The following CDH9 variants were observed in gnomAD, a reference collection of about 807,000 sequenced individuals.
CDH9 encodes cadherin 9.
CDH9 carries 28 observed loss-of-function variants against 70.9 expected under a neutral mutation model. That is an observed-to-expected ratio of 0.40 (90% CI 0.29 to 0.54). CDH9 has a LOEUF of 0.54. Ranked by LOEUF, CDH9 falls within the 20% of genes least tolerant of loss-of-function variation. The probability of loss-of-function intolerance (pLI) is 0.59; values close to 1 mark genes in which losing one functional copy is unlikely to be tolerated. For missense variants in CDH9, 874 were observed against 984.4 expected (o/e 0.89, Z 1.50); for synonymous variants, 409 against 343.1 (o/e 1.19, Z -2.12).
chr5:27,031,144 A>G (rs576619265), intron 1 of CDH9, among the ~76,000 whole-genome samples: 20 of 151,922 alleles, frequency 1.3e-4, no homozygotes, highest in African/African-American at 4.8e-4. Context: ...TAACTAAAAC[A>G]TTACATAATT....
intron 2 of CDH9, among the ~76,000 whole-genome samples, chr5:26,923,089 C>CA (rs76197543): frequency 4.0e-3 from 450 of 112,660 alleles, no homozygotes; most frequent in Non-Finnish European, 6.7e-3. Flanking sequence ...AAAAAAAACA[C>CA]AAAAAAAAAA....
At chr5:27,016,554 C>A (rs565036010) in intron 1 of CDH9, among the ~76,000 whole-genome samples, 1 of 151,840 alleles carries the variant, frequency 6.6e-6, no homozygotes, top group Non-Finnish European at 1.5e-5. Context: ...TATTGCATTT[C>A]AGAATCTGAG....
intron 1 of CDH9, among the ~76,000 whole-genome samples, chr5:27,009,933 G>C (rs1379385907): frequency 6.6e-6 from 1 of 151,988 alleles, no homozygotes; most frequent in African/African-American, 2.4e-5. Context: ...TGGCCTTATT[G>C]AGCTTTGTTA....
chr5:26,890,409 A>G lies in CDH9; in HGVS notation c.1390+19T>C. On this transcript the variant is annotated intron_variant, in intron 8 of 11. Transcript: ENST00000231021. Reference sequence around the variant, plus strand: ...TTGATGAAAGACAGTGTCTTCGGGTAGATGTAGCTCCAACTTACTTATTTC... The same window carrying G: ...TTGATGAAAGACAGTGTCTTCGGGTGGATGTAGCTCCAACTTACTTATTTC... 1 of 1,608,958 alleles carries G rather than the reference A, an allele frequency of 6.2e-7. No homozygotes were observed. The highest frequency in any genetic ancestry group is 8.5e-7 in the Non-Finnish European group (1 of 1,175,406).
rs201686479 is a variant in CDH9 at position 26,957,228 on chromosome 5, CTA to C, written c.228+30876_228+30877del. ...CTAAAATACTAAAGGAAATAAAAGA[CTA>C]TGAATTTTTTAATCACATTTGTTGT... On this transcript the variant is annotated intron_variant, in intron 2 of 11. Coordinates refer to ENST00000231021, the MANE Select transcript of CDH9 (RefSeq NM_016279.4). 3.1e-3 allele frequency among the ~76,000 whole-genome samples: 473 copies of C among 152,058 alleles called. 1 individual carries two copies. The highest frequency in any genetic ancestry group is 4.6e-3 in the East Asian group (24 of 5,174).
At chr5:26,916,462 C>T (rs1741151485) in intron 2 of CDH9, among the ~76,000 whole-genome samples, 2 of 151,748 alleles carry the variant, frequency 1.3e-5, no homozygotes. Context: ...TGGAGTGTAC[C>T]GAAACCTGTA....
At chr5:26,901,672 A>G (rs16896357) in intron 7 of CDH9, among the ~76,000 whole-genome samples, 2,118 of 151,922 alleles carry the variant, frequency 0.014, 21 homozygotes, top group African/African-American at 0.029. Flanking sequence ...TCAGCTGTCT[A>G]TATGTTCCTC....
chr5:27,020,385 A>G (rs543876877), intron 1 of CDH9, among the ~76,000 whole-genome samples: 3 of 151,754 alleles, frequency 2.0e-5, no homozygotes, highest in Admixed American at 6.6e-5. Context: ...CATGAATTTT[A>G]TATTTACACA....
chr5:26,882,969 A>G (rs1740491600), intron 11 of CDH9, among the ~76,000 whole-genome samples: 2 of 147,914 alleles, frequency 1.4e-5, no homozygotes, highest in South Asian at 4.3e-4. Context: ...ATTTTATGAA[A>G]GATAATTAGA....
chr5:26,906,699 G>C lies in CDH9; in HGVS notation c.643+20C>G, dbSNP rs751419861. On this transcript the variant is annotated intron_variant, in intron 4 of 11. Coordinates refer to ENST00000231021, the MANE Select transcript of CDH9 (RefSeq NM_016279.4). Reference sequence around the variant, plus strand: ...TAATGTATTATACAATAAGAAGTCAGCCAAGTTTAAATGTTGTACCTGATT... The same window carrying C: ...TAATGTATTATACAATAAGAAGTCACCCAAGTTTAAATGTTGTACCTGATT... 6.2e-7 allele frequency: 1 copy of C among 1,611,196 alleles called. No individual in the cohort carries two copies. The highest frequency in any genetic ancestry group is 1.3e-5 in the African/African-American group (1 of 74,868).
intron 1 of CDH9, among the ~76,000 whole-genome samples, chr5:27,013,140 C>A (rs1159225636): frequency 6.6e-6 from 1 of 151,846 alleles, no homozygotes; most frequent in Non-Finnish European, 1.5e-5. Flanking sequence ...AACCTAAACC[C>A]AACTCAATGT....
intron 1 of CDH9, among the ~76,000 whole-genome samples, chr5:27,005,058 G>T (rs1468870820): frequency 2.0e-5 from 3 of 152,084 alleles, no homozygotes; most frequent in Non-Finnish European, 4.4e-5. Context: ...CACAGACATG[G>T]ACAGCATTCA....
chr5:26,910,265 G>A (rs890315510), intron 3 of CDH9, among the ~76,000 whole-genome samples: 3 of 90,750 alleles, frequency 3.3e-5, no homozygotes, highest in South Asian at 3.3e-4. Flanking sequence ...CTATCTATCT[G>A]GCATTAATTA....
intron 1 of CDH9, among the ~76,000 whole-genome samples, chr5:27,014,668 TATAG>T (rs1488505746): frequency 6.6e-6 from 1 of 151,846 alleles, no homozygotes; most frequent in East Asian, 1.9e-4. Flanking sequence ...CATATATAAA[TATAG>T]ATATAGATTT....
At chr5:27,024,128 C>G (rs1234540417) in intron 1 of CDH9, among the ~76,000 whole-genome samples, 1 of 151,666 alleles carries the variant, frequency 6.6e-6, no homozygotes, top group African/African-American at 2.4e-5. Context: ...TTTAACTTGA[C>G]CCTATTTTTA....
chr5:26,975,289 T>G (rs1742287500), intron 2 of CDH9, among the ~76,000 whole-genome samples: 1 of 152,154 alleles, frequency 6.6e-6, no homozygotes, highest in African/African-American at 2.4e-5. Flanking sequence ...TTTGAAGGTT[T>G]GAATTATTTT....
chr5:27,036,979 A>T (rs901597418), intron 1 of CDH9, among the ~76,000 whole-genome samples: 9 of 152,104 alleles, frequency 5.9e-5, no homozygotes, highest in African/African-American at 1.9e-4. Flanking sequence ...TCAAACCTGG[A>T]TTAGCCAGTT....
chr5:26,915,482 A>T, intron 3 of CDH9, 148 bp downstream of exon 3: 2 of 543,996 alleles, frequency 3.7e-6, no homozygotes, highest in Admixed American at 3.2e-5. Flanking sequence ...TAGAAATAAA[A>T]ATAGAAGAGC....
At chr5:27,016,181 T>G (rs550292036) in intron 1 of CDH9, among the ~76,000 whole-genome samples, 3 of 151,962 alleles carry the variant, frequency 2.0e-5, no homozygotes, top group African/African-American at 7.2e-5. Context: ...AATACCAGCA[T>G]GTGAGTATCT....
Sources: allele counts gnomAD v4.1 joint callset (sites outside exome capture counted in the v4.1 genomes callset), GRCh38; gene constraint gnomAD v4.1.1; transcripts MANE v1.5; gene names NCBI Gene and HGNC (gene_info 2026-07-23, HGNC 2026-07-21).